Variants in MCF2L observed in about 807,000 individuals in gnomAD.
MCF2L encodes guanine nucleotide exchange factor DBS.
MCF2L carries 97 observed loss-of-function variants against 153.4 expected under a neutral mutation model. The observed-to-expected ratio is 0.63, with a 90% CI of 0.54 to 0.75. The LOEUF (loss-of-function observed/expected upper bound fraction) is 0.75, where lower values mean the gene tolerates loss of function less well. Among genes scored for constraint, MCF2L ranks in the 30% least tolerant of loss-of-function variants. MCF2L has a pLI of 0.00. For missense variants in MCF2L, 1,347 were observed against 1,495.2 expected, an observed-to-expected ratio of 0.90 and a Z score of 1.64; for synonymous variants, 659 against 632.2, an observed-to-expected ratio of 1.04 and a Z score of -0.64.
chr13:112,926,156 C>A (rs778975088), intron 2 of MCF2L, among the ~76,000 whole-genome samples: 1 of 152,200 alleles, frequency 6.6e-6, no homozygotes, highest in Non-Finnish European at 1.5e-5. Context: ...CAGCGGAGTG[C>A]GGTACGGCCT....
At chr13:113,088,750 GC>G in intron 25 of MCF2L, 122 bp downstream of exon 25, 1 of 1,017,814 alleles carries the variant, frequency 9.8e-7, no homozygotes, top group Non-Finnish European at 1.5e-6. Flanking sequence ...TTTCCTTGAG[GC>G]CCCTGGTGTT....
chr13:113,073,300 T>C (rs4907584), intron 9 of MCF2L, among the ~76,000 whole-genome samples: 39,235 of 152,178 alleles, frequency 0.26, 6,336 homozygotes, highest in East Asian at 0.69. Context: ...TATTGTTAGG[T>C]GAAGTTTTAT....
At chr13:113,086,964 C>T (rs487612) in intron 21 of MCF2L, among the ~76,000 whole-genome samples, 82,865 of 151,894 alleles carry the variant, frequency 0.55, 23,160 homozygotes, top group Non-Finnish European at 0.6. Flanking sequence ...TTTGGACAGG[C>T]GTGTAACATC....
At chr13:112,944,586 T>TC (rs1385886059) in intron 2 of MCF2L, among the ~76,000 whole-genome samples, 3 of 151,400 alleles carry the variant, frequency 2.0e-5, no homozygotes, top group Non-Finnish European at 4.4e-5. Context: ...TTTTTTTTTT[T>TC]TTTGAGACGG....
intron 1 of MCF2L, among the ~76,000 whole-genome samples, chr13:112,972,689 G>T (rs1438794460): frequency 7.5e-6 from 1 of 133,908 alleles, no homozygotes; most frequent in Non-Finnish European, 1.6e-5. Flanking sequence ...AGATGGAGGG[G>T]TAGGTGGATG....
Position 113,074,502 on chromosome 13 carries a change from A to G in MCF2L, c.1055A>G (p.Asn352Ser). Residue 352 changes from asparagine to serine, a missense_variant, in exon 10 of 30, where the codon AAC becomes AGC. By Grantham distance (46) the Asn-to-Ser change is conservative (BLOSUM62 1). Coordinates refer to ENST00000535094, the MANE Select transcript of MCF2L (RefSeq NM_001112732.3). This position sits in a 1 kb window ranked among gnomAD's most constrained non-coding sequence, Gnocchi z 4.2. ...QKIATFTDIG[N>S]SLAHVEHLLR... ...ATAGCAACCTTCACAGACATCGGCA[A>G]CAGCCTGGCGCATGTGGAGCACCTG... 6.2e-7 allele frequency: 1 copy of G among 1,614,090 alleles called. No homozygotes were observed. The highest frequency in any genetic ancestry group is 1.3e-5 in the African/African-American group (1 of 75,078).
Position 113,044,820 on chromosome 13 carries a change from C to A in MCF2L, c.279-451C>A, listed in dbSNP as rs775658582. ...TGGGGATTTTCTCCCAGCACCGTAG[C>A]CATGCCACCACGAGTGAATCCTTAA... On this transcript the variant is annotated intron_variant, in intron 3 of 29. Transcript: ENST00000535094. The A allele has an allele frequency of 2.5e-6, 4 of 1,612,824 alleles. No homozygotes were observed. In the African/African-American group the frequency reaches 5.3e-5, roughly 22 times the overall value.
chr13:112,917,501 A>G, intron 2 of MCF2L: 1 of 306,650 alleles, frequency 3.3e-6, no homozygotes, highest in South Asian at 2.9e-5. Context: ...GTCTCGCAGA[A>G]CAGCAAGCGG....
chr13:112,988,756 A>C (rs1353414421), intron 1 of MCF2L, among the ~76,000 whole-genome samples: 1 of 139,592 alleles, frequency 7.2e-6, no homozygotes. Flanking sequence ...CTCCCTGAGC[A>C]GGGGATGGAG....
chr13:113,032,710 C>T (rs905114386), intron 3 of MCF2L, among the ~76,000 whole-genome samples: 1 of 152,202 alleles, frequency 6.6e-6, no homozygotes, highest in African/African-American at 2.4e-5. Context: ...GCTGGGACTG[C>T]AGGCATGAGC....
chr13:112,940,045 C>T (rs944758574), intron 2 of MCF2L, among the ~76,000 whole-genome samples: 2 of 150,782 alleles, frequency 1.3e-5, no homozygotes, highest in Non-Finnish European at 2.9e-5. Context: ...GTGATTGGGT[C>T]AGAGGCCTTC....
chr13:112,912,068 G>A (rs1232934093), intron 2 of MCF2L, among the ~76,000 whole-genome samples: 1 of 152,166 alleles, frequency 6.6e-6, no homozygotes, highest in East Asian at 1.9e-4. Flanking sequence ...CGTGCATGTG[G>A]CCCAAGTCCC....
Position 113,096,415 on chromosome 13 carries a change from C to A in MCF2L, c.3120C>A (p.Gly1040=). The change falls in exon 28 of 30, where the codon GGC becomes GGA. Residue 1040 remains glycine (G), a synonymous_variant. Transcript: ENST00000535094. The part of the protein sequence containing the change: ...YTVVADHEKG[G]PDALRVRSGD... ...TCGTGGCGGACCACGAGAAGGGAGG[C>A]CCCGATGCGCTGCGCGTGAGGAGCG... 1 of 1,595,082 alleles carries A rather than the reference C, an allele frequency of 6.3e-7. No homozygotes were observed. Among genetic ancestry groups the A allele is most frequent in the Non-Finnish European group, 8.5e-7 (1 of 1,172,100 alleles).
intron 3 of MCF2L, among the ~76,000 whole-genome samples, chr13:113,029,354 A>T (rs2085503203): frequency 6.6e-6 from 1 of 152,196 alleles, no homozygotes; most frequent in African/African-American, 2.4e-5. Flanking sequence ...GAGAGTGAAC[A>T]ATTCTTGACA....
At chr13:113,032,634 T>A (rs1264130917) in intron 3 of MCF2L, among the ~76,000 whole-genome samples, 1 of 152,190 alleles carries the variant, frequency 6.6e-6, no homozygotes, top group African/African-American at 2.4e-5. Context: ...AGTGGCAGGA[T>A]CTCAGCTCAC....
rs1226613056 is a variant in MCF2L at position 113,089,694 on chromosome 13, A to C, written c.2919A>C (p.Ser973=). ...TAAGCCTGGAGGGATACGTCAGCTC[A>C]GCGCCACTGACAAAGCCCCCCGAAA... ...DPLSLEGYVS[S]APLTKPPEKG... Residue 973 remains serine, a synonymous_variant, in exon 26 of 30, where the codon TCA becomes TCC. Coordinates refer to ENST00000535094, the MANE Select transcript of MCF2L (RefSeq NM_001112732.3). The C allele has an allele frequency of 6.2e-7, 1 of 1,613,928 alleles. No homozygotes were observed. Among genetic ancestry groups the C allele is most frequent in the Non-Finnish European group, 8.5e-7 (1 of 1,180,014 alleles).
At chr13:113,007,200 G>A (rs1471891947) in intron 1 of MCF2L, among the ~76,000 whole-genome samples, 5 of 152,210 alleles carry the variant, frequency 3.3e-5, no homozygotes, top group African/African-American at 4.8e-5. Context: ...TGCAGAGCCC[G>A]CCAGGTGTAG....
intron 1 of MCF2L, among the ~76,000 whole-genome samples, chr13:113,005,389 G>T (rs1482788708): frequency 1.3e-5 from 2 of 152,242 alleles, no homozygotes; most frequent in Non-Finnish European, 2.9e-5. Context: ...CAGAGTTTCC[G>T]TTGTGCCAAA....
intron 2 of MCF2L, among the ~76,000 whole-genome samples, chr13:112,962,115 G>A (rs1399767503): frequency 4.5e-5 from 1 of 22,208 alleles, no homozygotes; most frequent in Non-Finnish European, 1.5e-4. Context: ...GCACGGACAC[G>A]CACATGCATG....
Sources: gnomAD v4.1 joint callset for allele counts (sites outside exome capture counted in the v4.1 genomes callset) on GRCh38, gnomAD v4.1.1 for gene constraint, Gnocchi (gnomAD v3.1) non-coding constraint, MANE v1.5 for transcripts, NCBI Gene and HGNC (gene_info 2026-07-23, HGNC 2026-07-21) for gene names.